Variants in KIR3DL1 observed in about 807,000 individuals in gnomAD.
KIR3DL1 encodes killer cell immunoglobulin-like receptor 3DL1.
A neutral mutation model predicts 40.3 loss-of-function variants in KIR3DL1; 50 were observed. That is an observed-to-expected ratio of 1.24 (90% confidence interval 0.99 to 1.57). The LOEUF is 1.57. Ranked by LOEUF, KIR3DL1 falls within the 40% of genes most tolerant of loss-of-function variation. KIR3DL1 has a pLI of 0.00. For synonymous variants in KIR3DL1, 257 were observed against 207.2 expected, an observed-to-expected ratio of 1.24 and a Z score of -2.07; for missense variants, 661 against 559.9, an observed-to-expected ratio of 1.18 and a Z score of -1.82.
At chr19:54,828,099 C>A (rs1259952443) in intron 6 of KIR3DL1, among the ~76,000 whole-genome samples, 17 of 150,708 alleles carry the variant, frequency 1.1e-4, no homozygotes, top group Non-Finnish European at 2.4e-4. Flanking sequence ...TTCCCCCAGC[C>A]TCTGAGGTAG....
intron 5 of KIR3DL1, among the ~76,000 whole-genome samples, chr19:54,823,243 G>C: frequency 6.6e-6 from 1 of 150,650 alleles, no homozygotes; most frequent in Non-Finnish European, 1.5e-5. Flanking sequence ...CCCAATTTTG[G>C]GCAGGCTGCT....
chr19:54,826,830 T>A (rs201029447), intron 6 of KIR3DL1, among the ~76,000 whole-genome samples: 16 of 150,248 alleles, frequency 1.1e-4, no homozygotes, highest in Non-Finnish European at 2.4e-4. Context: ...CCTGAAATGC[T>A]GGGAATGAGG....
exon 3 of KIR3DL1, chr19:54,818,584 G>A: frequency 6.2e-7 from 1 of 1,610,232 alleles, no homozygotes; most frequent in South Asian, 1.1e-5. Context: ...CAACCCCGTG[G>A]TGATCATGGT....
At chr19:54,819,622 G>C in intron 3 of KIR3DL1, 91 bp from the exon 4 acceptor site, 2 of 1,437,544 alleles carry the variant, frequency 1.4e-6, no homozygotes, top group Non-Finnish European at 1.9e-6. Context: ...GAGAGAGACA[G>C]ACACGGGGAG....
exon 5 of KIR3DL1, chr19:54,821,779 C>T: frequency 1.9e-6 from 3 of 1,607,502 alleles, no homozygotes; most frequent in Non-Finnish European, 2.6e-6. Flanking sequence ...ACGGAGGGAC[C>T]TACAGATGCT....
chr19:54,823,540 C>T (rs1313392837), intron 5 of KIR3DL1, among the ~76,000 whole-genome samples: 1 of 151,220 alleles, frequency 6.6e-6, no homozygotes, highest in Non-Finnish European at 1.5e-5. Flanking sequence ...CATAGTCTCC[C>T]AGGCTGGAGT....
At chr19:54,822,968 A>C (rs1202891019) in intron 5 of KIR3DL1, among the ~76,000 whole-genome samples, 1 of 148,918 alleles carries the variant, frequency 6.7e-6, no homozygotes, top group Non-Finnish European at 1.5e-5. Flanking sequence ...ACTTCGATAC[A>C]CTGATGTCCT....
chr19:54,830,627 G>A (rs78966438), exon 9 of KIR3DL1: 437 of 297,440 alleles, frequency 1.5e-3, no homozygotes, highest in African/African-American at 5.9e-3. Context: ...CCCTCTTGAC[G>A]TGGCACTTAC....
At chr19:54,821,589 C>T in exon 5 of KIR3DL1, 1 of 1,607,594 alleles carries the variant, frequency 6.2e-7, no homozygotes, top group Admixed American at 1.7e-5. Context: ...CCTTCTCTCT[C>T]AGCCCAGCCG....
chr19:54,829,508 G>C (rs1403742285), intron 7 of KIR3DL1, 43 bp downstream of exon 7: 3 of 1,363,782 alleles, frequency 2.2e-6, no homozygotes, highest in East Asian at 4.8e-5. Flanking sequence ...AGGGCCATGT[G>C]GGGAAGCAGG....
chr19:54,830,319 G>A (rs201316028), exon 9 of KIR3DL1: 3 of 1,503,760 alleles, frequency 2.0e-6, no homozygotes, highest in African/African-American at 1.4e-5. Context: ...GGAGACAACA[G>A]CCCTGTCTCA....
intron 3 of KIR3DL1, among the ~76,000 whole-genome samples, 175 bp from the exon 4 acceptor site, chr19:54,819,538 G>A (rs975421492): frequency 2.0e-5 from 3 of 151,346 alleles, no homozygotes; most frequent in Non-Finnish European, 2.9e-5. Flanking sequence ...ACAGAGAAGA[G>A]GGAGGAAGAC....
intron 6 of KIR3DL1, among the ~76,000 whole-genome samples, chr19:54,825,838 T>C (rs2061858156): frequency 6.6e-6 from 1 of 150,790 alleles, no homozygotes; most frequent in Non-Finnish European, 1.5e-5. Flanking sequence ...GTCCCCTTCC[T>C]CCTTCCTCAA....
intron 6 of KIR3DL1, among the ~76,000 whole-genome samples, chr19:54,828,137 G>A (rs999202821): frequency 6.6e-6 from 1 of 150,846 alleles, no homozygotes; most frequent in African/African-American, 2.5e-5. Context: ...TGTCTCCCGA[G>A]ATCACAAAGA....
Position 54,825,090 on chromosome 19 carries a change from A to G in KIR3DL1, c.1000+12A>G, listed in dbSNP as rs2061815152. On this transcript the variant is annotated intron_variant, in intron 6 of 8. Transcript: ENST00000391728. ...AAGCTCCAAATCTGGTGAGTAAAGG[A>G]CCCCTCTTATCTCTGCTTTTGGAAA... The G allele has an allele frequency of 1.0e-5, 15 of 1,496,200 alleles. 2 individuals carry two copies. The Admixed American group carries it at 2.4e-4, about 24-fold the overall frequency. The allele number at this position is 1,496,200 out of a possible 1,614,324, so 92.7% of individuals were successfully genotyped here.
chr19:54,828,989 C>G (rs1315785579), intron 6 of KIR3DL1, among the ~76,000 whole-genome samples: 70 of 140,164 alleles, frequency 5.0e-4, no homozygotes, highest in African/African-American at 1.6e-3. Context: ...ACAACCAGCT[C>G]TCCAGGAACT....
At position 54,817,594 on chromosome 19, in the gene KIR3DL1, G is replaced by T. The variant is rs773862348; in HGVS notation, c.70+25G>T. 6 of 1,493,556 alleles carry T rather than the reference G, an allele frequency of 4.0e-6. No homozygotes were observed. The African/African-American group carries it at 6.4e-5, about 16-fold the overall frequency. 92.5% of individuals were successfully genotyped at this position (1,493,556 alleles called of 1,614,324 possible). A position where few individuals can be genotyped will look rare whatever the true frequency, so the allele number is the denominator to read the frequency against. ...GGTGAGTCCTTCCCCAAACCTTAGGGTGTCATCTCCCCACATAAGAGGATT... is the reference window on the plus strand; with the variant it reads ...GGTGAGTCCTTCCCCAAACCTTAGGTTGTCATCTCCCCACATAAGAGGATT... On this transcript the variant is annotated intron_variant, in intron 2 of 8. Coordinates refer to ENST00000391728, the Ensembl canonical transcript of KIR3DL1.
intron 5 of KIR3DL1, 22 bp from the exon 6 acceptor site, chr19:54,825,006 T>A (rs1267312641): frequency 8.7e-6 from 13 of 1,488,592 alleles, no homozygotes; most frequent in Admixed American, 1.7e-5. Context: ...TTTCCTCACA[T>A]CTCTCCTGTC....
chr19:54,822,885 A>T lies in KIR3DL1; in HGVS notation c.949+1027A>T, dbSNP rs1218083186. Among the ~76,000 whole-genome samples, 28 of 141,762 alleles carry T rather than the reference A, an allele frequency of 2.0e-4. 1 individual carries two copies. In the East Asian group the frequency reaches 4.6e-3, roughly 23 times the overall value. 93.0% of individuals were successfully genotyped at this position (141,762 alleles called of 152,430 possible). On this transcript the variant is annotated intron_variant, in intron 5 of 8. Coordinates refer to ENST00000391728, the Ensembl canonical transcript of KIR3DL1. Reference sequence around the variant, plus strand: ...CAGTTCTCTATCCATTCACCCACTGATGGGCAGGTAGGTTGACTCCACATC... The same window carrying T: ...CAGTTCTCTATCCATTCACCCACTGTTGGGCAGGTAGGTTGACTCCACATC...
Sources: allele counts gnomAD v4.1 joint callset (sites outside exome capture counted in the v4.1 genomes callset), GRCh38; gene constraint gnomAD v4.1.1; transcripts MANE v1.5; gene names NCBI Gene and HGNC (gene_info 2026-07-23, HGNC 2026-07-21).